TGFBR3: variants seen among roughly 807,000 people sequenced by gnomAD.
TGFBR3 encodes transforming growth factor beta receptor type 3.
Under a neutral mutation model 87.9 loss-of-function variants are expected in TGFBR3, and 46 were observed. The observed-to-expected ratio is 0.52, with a 90% CI of 0.41 to 0.67. TGFBR3 has a LOEUF of 0.67. Ranked by LOEUF, TGFBR3 falls within the 30% of genes least tolerant of loss-of-function variation. The pLI is 0.00. For synonymous variants in TGFBR3, 381 were observed against 391.6 expected, an observed-to-expected ratio of 0.97 and a Z score of 0.32; for missense variants, 866 against 1,041.9, an observed-to-expected ratio of 0.83 and a Z score of 2.32.
chr1:91,718,497 G>A (rs773934967), intron 10 of TGFBR3, among the ~76,000 whole-genome samples: 26 of 143,280 alleles, frequency 1.8e-4, no homozygotes, highest in Non-Finnish European at 3.7e-4. Flanking sequence ...TGTGTCAAAG[G>A]TGGACACAGG....
intron 2 of TGFBR3, among the ~76,000 whole-genome samples, chr1:91,854,915 C>T (rs138142011): frequency 1.3e-5 from 2 of 152,248 alleles, no homozygotes; most frequent in African/African-American, 4.8e-5. Context: ...CTGCCTACCC[C>T]CAGAGGCTGC....
In TGFBR3 at chr1:91,731,640, A is replaced by G. The variant is rs184884285; in HGVS notation, c.569-1667T>C. On this transcript the variant is annotated intron_variant, in intron 5 of 16. Transcript: ENST00000212355. Reference sequence around the variant, plus strand: ...ACGGCAAGGTTGAAATTTAATTAAGAAAGAGCGTCTATGGGCCAGGGACAG... The same window carrying G: ...ACGGCAAGGTTGAAATTTAATTAAGGAAGAGCGTCTATGGGCCAGGGACAG... Among the ~76,000 whole-genome samples the G allele has an allele frequency of 3.9e-5, 6 of 152,282 alleles. No homozygotes were observed. In the East Asian group the frequency reaches 1.2e-3, roughly 29 times the overall value.
intron 1 of TGFBR3, among the ~76,000 whole-genome samples, chr1:91,864,505 G>A (rs957325239): frequency 4.6e-5 from 7 of 152,168 alleles, no homozygotes; most frequent in African/African-American, 1.7e-4. Context: ...AACAAAAAGG[G>A]AGCTTTTCTT....
intron 3 of TGFBR3, among the ~76,000 whole-genome samples, chr1:91,761,231 G>T (rs1310775142): frequency 6.6e-6 from 1 of 152,194 alleles, no homozygotes; most frequent in Non-Finnish European, 1.5e-5. Context: ...AAAAGCTCAT[G>T]AAATGAGAAG....
At chr1:91,775,993 G>C (rs1049963115) in intron 3 of TGFBR3, among the ~76,000 whole-genome samples, 2 of 152,212 alleles carry the variant, frequency 1.3e-5, no homozygotes, top group Non-Finnish European at 2.9e-5. Flanking sequence ...TGTTTGTATA[G>C]AACAGAGCTG....
At chr1:91,808,927 T>C (rs1675932611) in intron 2 of TGFBR3, among the ~76,000 whole-genome samples, 1 of 152,118 alleles carries the variant, frequency 6.6e-6, no homozygotes, top group Admixed American at 6.5e-5. Context: ...CAAGAACAAA[T>C]CTGAAGGTTT....
intron 2 of TGFBR3, among the ~76,000 whole-genome samples, chr1:91,858,554 A>G (rs1678051519): frequency 7.3e-6 from 1 of 136,522 alleles, no homozygotes; most frequent in Non-Finnish European, 1.5e-5. Context: ...GATGGAGGTT[A>G]CAATGAGCCA....
chr1:91,833,574 C>T (rs1171594976), intron 2 of TGFBR3, among the ~76,000 whole-genome samples: 1 of 151,308 alleles, frequency 6.6e-6, no homozygotes. Flanking sequence ...TCAAGACCAG[C>T]CTGGCCAATA....
chr1:91,809,069 G>A (rs1245480823), intron 2 of TGFBR3, among the ~76,000 whole-genome samples: 1 of 152,088 alleles, frequency 6.6e-6, no homozygotes, highest in Non-Finnish European at 1.5e-5. Context: ...ATATTAAACT[G>A]AACTTTATCC....
At chr1:91,758,590 T>C in intron 4 of TGFBR3, 23 bp downstream of exon 4, 1 of 1,613,506 alleles carries the variant, frequency 6.2e-7, no homozygotes, top group Non-Finnish European at 8.5e-7. Flanking sequence ...AAGGATCAGT[T>C]TGGGGGAGGT....
chr1:91,858,968 A>C (rs1678071102), intron 2 of TGFBR3, among the ~76,000 whole-genome samples: 1 of 151,836 alleles, frequency 6.6e-6, no homozygotes, highest in African/African-American at 2.4e-5. Context: ...AGGCAGGAGA[A>C]TCGCTTGAAC....
At chr1:91,769,637 T>C (rs1478861475) in intron 3 of TGFBR3, among the ~76,000 whole-genome samples, 2 of 151,250 alleles carry the variant, frequency 1.3e-5, no homozygotes, top group Non-Finnish European at 2.9e-5. Context: ...TGTGTTTTTG[T>C]TTTTTTTGTT....
intron 3 of TGFBR3, among the ~76,000 whole-genome samples, chr1:91,795,760 C>A (rs1042072562): frequency 3.9e-5 from 6 of 152,162 alleles, no homozygotes; most frequent in Admixed American, 6.5e-5. Context: ...TCTCCCCCAT[C>A]AGTTCAGAAT....
intron 3 of TGFBR3, among the ~76,000 whole-genome samples, chr1:91,792,984 C>T (rs2100995492): frequency 6.6e-6 from 1 of 152,282 alleles, no homozygotes. Context: ...TACAATAGGT[C>T]TACTCTGACC....
intron 15 of TGFBR3, among the ~76,000 whole-genome samples, chr1:91,696,954 G>T (rs1671453785): frequency 6.6e-6 from 1 of 152,150 alleles, no homozygotes; most frequent in Non-Finnish European, 1.5e-5. Context: ...GAACTCCCAA[G>T]TTCTGGTCCC....
chr1:91,683,462 C>T lies in TGFBR3; in HGVS notation c.*277G>A, dbSNP rs1473129089. On this transcript the variant is annotated 3_prime_UTR_variant, in exon 17 of 17. Coordinates refer to ENST00000212355, the MANE Select transcript of TGFBR3 (RefSeq NM_003243.5). ...TGGCATGTGTTTCACATTGAAAACC[C>T]CCAAGCCTGTGAGGGGCTGGTGGAG... is the stretch of plus-strand genomic sequence containing the variant. 1.5e-6 allele frequency: 1 copy of T among 649,786 alleles called. No homozygotes were observed. The highest frequency in any genetic ancestry group is 2.8e-6 in the Non-Finnish European group (1 of 353,092). 40.3% of individuals were successfully genotyped at this position (649,786 alleles called of 1,614,324 possible). A position where few individuals can be genotyped will look rare whatever the true frequency, so the allele number is the denominator to read the frequency against.
At chr1:91,790,889 G>C (rs1233332536) in intron 3 of TGFBR3, among the ~76,000 whole-genome samples, 3 of 152,096 alleles carry the variant, frequency 2.0e-5, no homozygotes, top group Non-Finnish European at 4.4e-5. Flanking sequence ...TAGTGGTGTT[G>C]GGCAAGGCAC....
intron 1 of TGFBR3, among the ~76,000 whole-genome samples, chr1:91,867,933 T>G (rs926759919): frequency 6.6e-6 from 1 of 152,188 alleles, no homozygotes; most frequent in African/African-American, 2.4e-5. Flanking sequence ...ATTCTTTCTT[T>G]TTTGAGATGG....
upstream of TGFBR3, among the ~76,000 whole-genome samples, chr1:91,889,038 A>G (rs1679391920): frequency 6.6e-6 from 1 of 151,952 alleles, no homozygotes; most frequent in South Asian, 2.1e-4. Flanking sequence ...ACGCACCACC[A>G]TGCCTGGCTA....
Sources: gnomAD v4.1 joint callset for allele counts (sites outside exome capture counted in the v4.1 genomes callset) on GRCh38, gnomAD v4.1.1 for gene constraint, MANE v1.5 for transcripts, NCBI Gene and HGNC (gene_info 2026-07-23, HGNC 2026-07-21) for gene names.